The following TRAPPC9 variants were observed in gnomAD, a reference collection of about 807,000 sequenced individuals.
The protein encoded by TRAPPC9 is IKK2 binding protein.
TRAPPC9 carries 83 observed loss-of-function variants against 124.0 expected under a neutral mutation model. The ratio of observed to expected loss-of-function variants is 0.67; its 90% CI spans 0.56 to 0.80. The LOEUF (loss-of-function observed/expected upper bound fraction) is 0.80, where lower values mean the gene tolerates loss of function less well. TRAPPC9 is among the 30% of genes least tolerant of loss of function. TRAPPC9 has a pLI of 0.00. For synonymous variants in TRAPPC9, 638 were observed against 617.5 expected, an observed-to-expected ratio of 1.03 and a Z score of -0.49; for missense variants, 1,302 against 1,508.3, an observed-to-expected ratio of 0.86 and a Z score of 2.27.
intron 7 of TRAPPC9, among the ~76,000 whole-genome samples, chr8:140,396,168 G>A (rs1389397773): frequency 1.6e-5 from 2 of 124,992 alleles, no homozygotes; most frequent in Non-Finnish European, 3.2e-5. Flanking sequence ...TGAGACAAGA[G>A]TCTCACTCTG....
At chr8:139,914,453 C>T (rs541467335) in intron 19 of TRAPPC9, among the ~76,000 whole-genome samples, 1 of 152,352 alleles carries the variant, frequency 6.6e-6, no homozygotes, top group East Asian at 1.9e-4. Context: ...GCCTGTCCAT[C>T]GTGGTAGGCA....
intron 17 of TRAPPC9, among the ~76,000 whole-genome samples, chr8:140,093,336 C>A (rs909577402): frequency 1.3e-5 from 2 of 152,070 alleles, no homozygotes; most frequent in African/African-American, 4.8e-5. Context: ...CAGATGGTGA[C>A]CTGAAGAACA....
intron 5 of TRAPPC9, among the ~76,000 whole-genome samples, chr8:140,416,733 G>T (rs1249849412): frequency 1.3e-5 from 2 of 152,054 alleles, no homozygotes; most frequent in Non-Finnish European, 2.9e-5. Context: ...AATTTCATAT[G>T]GAACCAAAAA....
At chr8:139,864,308 G>A (rs1327968851) in intron 21 of TRAPPC9, among the ~76,000 whole-genome samples, 1 of 152,140 alleles carries the variant, frequency 6.6e-6, no homozygotes, top group Non-Finnish European at 1.5e-5. Flanking sequence ...TCAATGTGAG[G>A]GTTTGGAAAG....
At chr8:140,034,289 T>A (rs1296446348) in intron 17 of TRAPPC9, among the ~76,000 whole-genome samples, 2 of 152,224 alleles carry the variant, frequency 1.3e-5, no homozygotes, top group Non-Finnish European at 1.5e-5. Flanking sequence ...ATCTTATTAA[T>A]AAACACTTTT....
chr8:139,890,401 G>T (rs1233476695), intron 20 of TRAPPC9, among the ~76,000 whole-genome samples: 1 of 152,242 alleles, frequency 6.6e-6, no homozygotes, highest in Non-Finnish European at 1.5e-5. Flanking sequence ...AGGAGAAACA[G>T]CCAGGCCCAA....
intron 11 of TRAPPC9, chr8:140,291,394 G>A (rs570158680): frequency 9.3e-6 from 4 of 431,912 alleles, no homozygotes; most frequent in Non-Finnish European, 1.7e-5. Flanking sequence ...GCTTCACGGG[G>A]CCCAGAAGCT....
At chr8:140,004,982 T>A (rs1007174092) in intron 18 of TRAPPC9, among the ~76,000 whole-genome samples, 5 of 152,188 alleles carry the variant, frequency 3.3e-5, no homozygotes, top group African/African-American at 4.8e-5. Context: ...CTTTCCAGAA[T>A]GGGTAGTCAA....
intron 10 of TRAPPC9, among the ~76,000 whole-genome samples, chr8:140,307,135 A>T (rs2066159939): frequency 6.6e-6 from 1 of 152,222 alleles, no homozygotes; most frequent in South Asian, 2.1e-4. Flanking sequence ...GAAAGAAAGC[A>T]GTGTTCCTTT....
At chr8:139,773,292 G>A (rs1173105903) in intron 21 of TRAPPC9, among the ~76,000 whole-genome samples, 2 of 152,256 alleles carry the variant, frequency 1.3e-5, no homozygotes, top group East Asian at 3.8e-4. Context: ...ATGCTAGAGA[G>A]TATTTAGCAC....
At chr8:139,846,077 C>G (rs1209415565) in intron 21 of TRAPPC9, among the ~76,000 whole-genome samples, 2 of 152,254 alleles carry the variant, frequency 1.3e-5, no homozygotes, top group African/African-American at 4.8e-5. Context: ...GCCAAGGGGG[C>G]CGGCCTGGCC....
At chr8:140,083,475 C>G (rs1271614865) in intron 17 of TRAPPC9, among the ~76,000 whole-genome samples, 2 of 152,082 alleles carry the variant, frequency 1.3e-5, no homozygotes, top group Non-Finnish European at 2.9e-5. Flanking sequence ...AACGCACACG[C>G]AACGCAGTAC....
At chr8:140,310,680 G>T (rs1360949648) in intron 10 of TRAPPC9, among the ~76,000 whole-genome samples, 1 of 152,122 alleles carries the variant, frequency 6.6e-6, no homozygotes, top group Non-Finnish European at 1.5e-5. Flanking sequence ...TGGGTGCCAT[G>T]GAAACTCAGG....
At chr8:140,370,648 A>C (rs2068255033) in intron 8 of TRAPPC9, among the ~76,000 whole-genome samples, 1 of 152,230 alleles carries the variant, frequency 6.6e-6, no homozygotes, top group Non-Finnish European at 1.5e-5. Context: ...TTTGTGCTAA[A>C]CTAACTAAAT....
intron 16 of TRAPPC9, among the ~76,000 whole-genome samples, chr8:140,236,071 T>G (rs1311487028): frequency 6.7e-6 from 1 of 148,484 alleles, no homozygotes; most frequent in African/African-American, 2.5e-5. Flanking sequence ...GAAAGTACAC[T>G]GTATTTCCTT....
At chr8:139,868,404 C>G (rs1828685154) in intron 21 of TRAPPC9, among the ~76,000 whole-genome samples, 3 of 152,166 alleles carry the variant, frequency 2.0e-5, no homozygotes, top group Admixed American at 1.3e-4. Flanking sequence ...ATTCTTACTA[C>G]CATACTTGCA....
chr8:140,179,993 A>ATTTTTTTTTTTTTTTTTTTTTTTT (rs71520259), intron 17 of TRAPPC9, among the ~76,000 whole-genome samples: 16 of 90,036 alleles, frequency 1.8e-4, no homozygotes, highest in East Asian at 1.4e-3. Context: ...TTATATCTTG[A>ATTTTTTTTTTTTTTTTTTTTTTTT]TTTTTTTTTT....
chr8:140,390,622 A>G (rs1416553156), intron 7 of TRAPPC9, among the ~76,000 whole-genome samples: 1 of 152,168 alleles, frequency 6.6e-6, no homozygotes, highest in Non-Finnish European at 1.5e-5. Context: ...GCCATCATCC[A>G]CAGCCCAGCG....
intron 20 of TRAPPC9, among the ~76,000 whole-genome samples, chr8:139,906,677 T>C (rs1204358408): frequency 6.6e-6 from 1 of 152,150 alleles, no homozygotes; most frequent in Non-Finnish European, 1.5e-5. Context: ...GCCTCTGCAC[T>C]TTCTTCCTGT....
Sources: allele counts gnomAD v4.1 joint callset (sites outside exome capture counted in the v4.1 genomes callset), GRCh38; gene constraint gnomAD v4.1.1; transcripts MANE v1.5; gene names NCBI Gene and HGNC (gene_info 2026-07-23, HGNC 2026-07-21).